The following ERBB4 variants were observed in gnomAD, a reference collection of about 807,000 sequenced individuals.
ERBB4 encodes the protein receptor tyrosine-protein kinase erbB-4.
ERBB4 carries 42 observed loss-of-function variants against 158.0 expected under a neutral mutation model. The ratio of observed to expected loss-of-function variants is 0.27; its 90% CI spans 0.21 to 0.34. ERBB4 has a LOEUF of 0.34. Among genes scored for constraint, ERBB4 ranks in the 10% least tolerant of loss-of-function variants. ERBB4 has a pLI of 1.00. For missense variants in ERBB4, 1,333 were observed against 1,624.1 expected (o/e 0.82, Z 3.08); for synonymous variants, 583 against 558.7 (o/e 1.04, Z -0.61).
intron 2 of ERBB4, among the ~76,000 whole-genome samples, chr2:211,981,216 A>C (rs1280054887): frequency 6.6e-6 from 1 of 152,132 alleles, no homozygotes; most frequent in Non-Finnish European, 1.5e-5. Flanking sequence ...CTCTTCCCTA[A>C]GAGCACCACG....
intron 3 of ERBB4, among the ~76,000 whole-genome samples, chr2:211,873,882 C>T (rs1334455644): frequency 2.0e-5 from 3 of 151,540 alleles, no homozygotes; most frequent in African/African-American, 2.4e-5. Context: ...GATATAGATA[C>T]TCTGCCTTCA....
intron 19 of ERBB4, among the ~76,000 whole-genome samples, chr2:211,604,094 T>A (rs568718662): frequency 6.6e-6 from 1 of 152,322 alleles, no homozygotes; most frequent in Admixed American, 6.5e-5. Flanking sequence ...AGTCTTGTAG[T>A]CTAACATATA....
At chr2:211,460,983 G>C (rs1029959890) in intron 20 of ERBB4, among the ~76,000 whole-genome samples, 1 of 151,406 alleles carries the variant, frequency 6.6e-6, no homozygotes, top group African/African-American at 2.4e-5. Flanking sequence ...TTCATTTTAG[G>C]AACTGAAAAA....
intron 12 of ERBB4, among the ~76,000 whole-genome samples, chr2:211,690,798 A>T (rs1380374718): frequency 6.6e-6 from 1 of 152,196 alleles, no homozygotes; most frequent in Non-Finnish European, 1.5e-5. Context: ...GGGCTCTGCA[A>T]TGGCTTACAG....
intron 1 of ERBB4, among the ~76,000 whole-genome samples, chr2:212,312,183 A>G (rs2087075095): frequency 6.6e-6 from 1 of 151,040 alleles, no homozygotes; most frequent in South Asian, 2.1e-4. Context: ...TTTCCCTTCA[A>G]GGAACTACTC....
chr2:211,600,777 T>C (rs551872441), intron 19 of ERBB4, among the ~76,000 whole-genome samples: 39 of 152,282 alleles, frequency 2.6e-4, no homozygotes, highest in African/African-American at 8.9e-4. Context: ...TTTTTGGTTT[T>C]TTTTGAATGT....
At chr2:211,801,848 TATATC>T (rs1375636929) in intron 3 of ERBB4, among the ~76,000 whole-genome samples, 1 of 152,224 alleles carries the variant, frequency 6.6e-6, no homozygotes, top group Non-Finnish European at 1.5e-5. Flanking sequence ...TTTATATAGT[TATATC>T]ATATTTGAAA....
At chr2:212,449,758 T>C (rs1038734660) in intron 1 of ERBB4, among the ~76,000 whole-genome samples, 1 of 152,118 alleles carries the variant, frequency 6.6e-6, no homozygotes, top group African/African-American at 2.4e-5. Flanking sequence ...TTCATAGGTA[T>C]AAAATATTCT....
At chr2:212,146,350 C>G (rs1043625241) in intron 1 of ERBB4, among the ~76,000 whole-genome samples, 3 of 152,166 alleles carry the variant, frequency 2.0e-5, no homozygotes, top group Non-Finnish European at 4.4e-5. Context: ...ACCCTGTTTT[C>G]AGCCTCAACA....
intron 1 of ERBB4, among the ~76,000 whole-genome samples, chr2:212,364,320 G>A (rs945311808): frequency 7.9e-5 from 12 of 151,576 alleles, no homozygotes; most frequent in African/African-American, 2.9e-4. Flanking sequence ...ATTAGAACCT[G>A]AATTTTTTTC....
intron 2 of ERBB4, among the ~76,000 whole-genome samples, chr2:212,096,899 T>A (rs1254965040): frequency 2.0e-5 from 3 of 152,150 alleles, no homozygotes; most frequent in Non-Finnish European, 4.4e-5. Context: ...TCTCCTACAT[T>A]GATCCTACTT....
intron 4 of ERBB4, among the ~76,000 whole-genome samples, chr2:211,772,844 T>TACACAC (rs2075735402): frequency 1.5e-5 from 1 of 65,230 alleles, no homozygotes; most frequent in Non-Finnish European, 2.9e-5. Flanking sequence ...TACACATATA[T>TACACAC]ATATATATAT....
intron 1 of ERBB4, among the ~76,000 whole-genome samples, chr2:212,445,815 A>G (rs1453883029): frequency 6.6e-6 from 1 of 152,236 alleles, no homozygotes; most frequent in African/African-American, 2.4e-5. Context: ...AAGAGAATAC[A>G]GAATGGATAG....
At chr2:211,565,067 G>A (rs537577172) in intron 19 of ERBB4, among the ~76,000 whole-genome samples, 1 of 152,228 alleles carries the variant, frequency 6.6e-6, no homozygotes, top group South Asian at 2.1e-4. Context: ...ATGAGAGATT[G>A]CTCAATAGGT....
intron 1 of ERBB4, among the ~76,000 whole-genome samples, chr2:212,434,310 G>C (rs1160062841): frequency 1.3e-5 from 2 of 151,926 alleles, no homozygotes; most frequent in Non-Finnish European, 2.9e-5. Context: ...AGAGCTGCTA[G>C]AAAGCCAGAG....
chr2:212,436,473 C>A (rs1462427795), intron 1 of ERBB4, among the ~76,000 whole-genome samples: 1 of 151,966 alleles, frequency 6.6e-6, no homozygotes, highest in African/African-American at 2.4e-5. Context: ...AGGAGAAATG[C>A]ACTGATATTT....
intron 1 of ERBB4, among the ~76,000 whole-genome samples, chr2:212,313,475 G>C (rs1367471710): frequency 6.6e-6 from 1 of 150,706 alleles, no homozygotes; most frequent in Non-Finnish European, 1.5e-5. Flanking sequence ...ACTAACTCCA[G>C]TATATAACTA....
At chr2:211,977,235 C>T (rs1454666860) in intron 2 of ERBB4, among the ~76,000 whole-genome samples, 1 of 152,048 alleles carries the variant, frequency 6.6e-6, no homozygotes, top group Non-Finnish European at 1.5e-5. Context: ...GATTTGCACC[C>T]TCAACACAGA....
In ERBB4 at chr2:211,765,172, T is replaced by A. The variant is rs200402357; in HGVS notation, c.557-14468A>T. On this transcript the variant is annotated intron_variant, in intron 4 of 27. Coordinates refer to ENST00000342788, the MANE Select transcript of ERBB4 (RefSeq NM_005235.3). The stretch of plus-strand genomic sequence containing the variant: ...ATGAGGGATAGAGGGGCTAAGCAAG[T>A]GTAGTTAGAAACTCTTGGAGACAAG... Among the ~76,000 whole-genome samples the A allele has an allele frequency of 2.0e-5, 3 of 152,252 alleles. No homozygotes were observed. The East Asian group carries it at 5.8e-4, about 29-fold the overall frequency.
Sources: gnomAD v4.1 joint callset for allele counts (sites outside exome capture counted in the v4.1 genomes callset) on GRCh38, gnomAD v4.1.1 for gene constraint, MANE v1.5 for transcripts, NCBI Gene and HGNC (gene_info 2026-07-23, HGNC 2026-07-21) for gene names.